The following TCEA3 variants were observed in gnomAD, a reference collection of about 807,000 sequenced individuals.
The protein encoded by TCEA3 is transcription elongation factor A3, also known as transcription elongation factor A protein 3.
A neutral mutation model predicts 44.0 loss-of-function variants in TCEA3; 36 were observed. The ratio of observed to expected loss-of-function variants is 0.82; its 90% confidence interval spans 0.63 to 1.08. The LOEUF (loss-of-function observed/expected upper bound fraction) is 1.08, where lower values mean the gene tolerates loss of function less well. Among genes scored for constraint, TCEA3 ranks in the 50% least tolerant of loss-of-function variants. TCEA3 has a pLI of 0.00. For synonymous variants in TCEA3, 162 were observed against 159.7 expected, an observed-to-expected ratio of 1.01 and a Z score of -0.11; for missense variants, 392 against 441.2, an observed-to-expected ratio of 0.89 and a Z score of 1.00.
At chr1:23,392,653 A>G (rs1639093482) in intron 8 of TCEA3, among the ~76,000 whole-genome samples, 1 of 152,056 alleles carries the variant, frequency 6.6e-6, no homozygotes, top group African/African-American at 2.4e-5. Flanking sequence ...CACACTCCAC[A>G]CATCATACAC....
chr1:23,412,205 C>T (rs1459314676), intron 4 of TCEA3: 1 of 152,098 alleles, frequency 6.6e-6, no homozygotes, highest in East Asian at 1.9e-4. Context: ...TTCCAAATCA[C>T]GTATAATCTT....
chr1:23,390,431 A>G (rs895138456), intron 8 of TCEA3, among the ~76,000 whole-genome samples: 1 of 152,158 alleles, frequency 6.6e-6, no homozygotes, highest in Non-Finnish European at 1.5e-5. Context: ...CAGTGAGCTG[A>G]GATTATGCCA....
intron 4 of TCEA3, 141 bp from the exon 5 acceptor site, chr1:23,408,867 G>A (rs1295053017): frequency 1.4e-6 from 1 of 709,536 alleles, no homozygotes; most frequent in Non-Finnish European, 2.3e-6. Flanking sequence ...ACTTGGGAGA[G>A]GGAGCTCCAG....
intron 9 of TCEA3, among the ~76,000 whole-genome samples, chr1:23,384,662 CTTTT>C (rs11341961): frequency 8.6e-6 from 1 of 116,494 alleles, no homozygotes; most frequent in Admixed American, 9.0e-5. Context: ...TGCACTTCCG[CTTTT>C]TTTTTTTTTT....
At chr1:23,387,242 C>A (rs1187538297) in intron 9 of TCEA3, 31 bp downstream of exon 9, 1 of 1,608,572 alleles carries the variant, frequency 6.2e-7, no homozygotes, top group South Asian at 1.1e-5. Flanking sequence ...CGGCCTCCTG[C>A]ACCTCCGGCC....
At chr1:23,416,230 T>C (rs1426184039) in intron 4 of TCEA3, among the ~76,000 whole-genome samples, 1 of 152,084 alleles carries the variant, frequency 6.6e-6, no homozygotes, top group Non-Finnish European at 1.5e-5. Context: ...GGTCTCGAAC[T>C]CCCAACCTCA....
At chr1:23,401,711 A>G (rs1249812477) in intron 5 of TCEA3, among the ~76,000 whole-genome samples, 1 of 152,132 alleles carries the variant, frequency 6.6e-6, no homozygotes. Flanking sequence ...CTTTTCAAAA[A>G]TTCACAGCGG....
At chr1:23,402,024 G>T (rs1220920891) in intron 5 of TCEA3, among the ~76,000 whole-genome samples, 1 of 152,218 alleles carries the variant, frequency 6.6e-6, no homozygotes, top group Non-Finnish European at 1.5e-5. Context: ...TGGTGTAACA[G>T]CTTCCAATTA....
chr1:23,421,065 T>A (rs1415434237), intron 1 of TCEA3, among the ~76,000 whole-genome samples: 1 of 152,150 alleles, frequency 6.6e-6, no homozygotes, highest in Non-Finnish European at 1.5e-5. Context: ...AGAACTTGGG[T>A]TCACAGTAGG....
chr1:23,421,102 G>A (rs975640965), intron 1 of TCEA3, among the ~76,000 whole-genome samples: 3 of 152,188 alleles, frequency 2.0e-5, no homozygotes, highest in African/African-American at 7.2e-5. Context: ...CTGCAGATGT[G>A]TGTGTATGTG....
chr1:23,382,100 G>A (rs1331631673), intron 10 of TCEA3, among the ~76,000 whole-genome samples: 2 of 149,474 alleles, frequency 1.3e-5, no homozygotes, highest in South Asian at 2.1e-4. Flanking sequence ...AGGCTGGAGT[G>A]CAATGGCATG....
At chr1:23,384,888 C>A (rs934153080) in intron 9 of TCEA3, among the ~76,000 whole-genome samples, 7 of 152,004 alleles carry the variant, frequency 4.6e-5, no homozygotes, top group African/African-American at 1.7e-4. Context: ...ACAGACCTCT[C>A]TTCTCTTGCC....
chr1:23,404,783 ACT>A (rs1394151592), intron 5 of TCEA3, among the ~76,000 whole-genome samples: 2 of 151,044 alleles, frequency 1.3e-5, no homozygotes, highest in African/African-American at 4.9e-5. Flanking sequence ...ACAAAGTGAG[ACT>A]CTGTCTCTAC....
chr1:23,422,838 G>A (rs1640104162), intron 1 of TCEA3, among the ~76,000 whole-genome samples: 1 of 152,142 alleles, frequency 6.6e-6, no homozygotes, highest in Non-Finnish European at 1.5e-5. Context: ...CTTTTGCCTA[G>A]GGCCATAAAA....
intron 4 of TCEA3, chr1:23,412,117 A>G (rs1639728013): frequency 6.6e-6 from 1 of 152,232 alleles, no homozygotes; most frequent in Non-Finnish European, 1.5e-5. Context: ...TGATAGTAGG[A>G]TATTTCTGAG....
chr1:23,423,447 C>T (rs1159641231), intron 1 of TCEA3, among the ~76,000 whole-genome samples: 1 of 152,220 alleles, frequency 6.6e-6, no homozygotes, highest in African/African-American at 2.4e-5. Flanking sequence ...CAACTCATGA[C>T]TGCCCAGTGT....
chr1:23,415,688 G>A (rs183585857), intron 4 of TCEA3, among the ~76,000 whole-genome samples: 7 of 152,308 alleles, frequency 4.6e-5, no homozygotes, highest in Admixed American at 1.3e-4. Context: ...GATGGTCAGG[G>A]ATTCCCCGAG....
intron 2 of TCEA3, chr1:23,418,219 G>T (rs1166115357): frequency 5.4e-6 from 3 of 557,510 alleles, no homozygotes; most frequent in African/African-American, 1.9e-5. Flanking sequence ...GGCTAAGCCT[G>T]ACATGGAGGA....
intron 2 of TCEA3, 46 bp downstream of exon 2, chr1:23,419,031 G>A: frequency 2.0e-5 from 3 of 150,462 alleles, no homozygotes; most frequent in South Asian, 8.2e-5. Context: ...TCCCCCACCA[G>A]CTCTCCCCCC....
Sources: allele counts gnomAD v4.1 joint callset (sites outside exome capture counted in the v4.1 genomes callset), GRCh38; gene constraint gnomAD v4.1.1; transcripts MANE v1.5; gene names NCBI Gene and HGNC (gene_info 2026-07-23, HGNC 2026-07-21).